Variants in TMEFF2 observed in about 807,000 individuals in gnomAD.
TMEFF2 encodes tomoregulin-2.
A neutral mutation model predicts 53.8 loss-of-function variants in TMEFF2; 28 were observed. The observed-to-expected ratio is 0.52, with a 90% CI of 0.39 to 0.71. TMEFF2 has a LOEUF of 0.71. Ranked by LOEUF, TMEFF2 falls within the 30% of genes least tolerant of loss-of-function variation. The pLI is 0.00. For missense variants in TMEFF2, 353 were observed against 455.2 expected, an observed-to-expected ratio of 0.78 and a Z score of 2.04; for synonymous variants, 162 against 166.3, an observed-to-expected ratio of 0.97 and a Z score of 0.20.
At chr2:192,120,319 T>C (rs1689518999) in intron 4 of TMEFF2, among the ~76,000 whole-genome samples, 1 of 152,180 alleles carries the variant, frequency 6.6e-6, no homozygotes, top group East Asian at 1.9e-4. Flanking sequence ...CAAACTGTCT[T>C]TGGGTCTTAT....
chr2:192,136,333 A>G (rs1256194902), intron 4 of TMEFF2, among the ~76,000 whole-genome samples: 1 of 152,186 alleles, frequency 6.6e-6, no homozygotes. Context: ...ATTTCATCCT[A>G]AGGTTAATTG....
intron 5 of TMEFF2, among the ~76,000 whole-genome samples, chr2:192,038,902 T>C (rs77995922): frequency 0.066 from 10,063 of 152,246 alleles, 470 homozygotes; most frequent in African/African-American, 0.13. Flanking sequence ...CACACTGTTC[T>C]ATATCAACCC....
chr2:192,015,449 G>A (rs1035127520), intron 5 of TMEFF2, among the ~76,000 whole-genome samples: 2 of 148,964 alleles, frequency 1.3e-5, no homozygotes, highest in Non-Finnish European at 3.0e-5. Context: ...TATGATTAAA[G>A]TCTGCAACTG....
intron 2 of TMEFF2, among the ~76,000 whole-genome samples, chr2:192,189,691 C>G (rs2106048387): frequency 6.6e-6 from 1 of 151,574 alleles, no homozygotes; most frequent in African/African-American, 2.4e-5. Context: ...AAATAACAAA[C>G]ACCAAAAACT....
At chr2:192,081,990 C>A (rs975208930) in intron 4 of TMEFF2, among the ~76,000 whole-genome samples, 3 of 151,954 alleles carry the variant, frequency 2.0e-5, no homozygotes, top group Non-Finnish European at 4.4e-5. Flanking sequence ...TTAGTAGAGA[C>A]AGGGTTTCAC....
At chr2:192,100,717 A>G (rs1026103248) in intron 4 of TMEFF2, among the ~76,000 whole-genome samples, 1 of 152,170 alleles carries the variant, frequency 6.6e-6, no homozygotes, top group Non-Finnish European at 1.5e-5. Context: ...TAGATGTAAA[A>G]TAATCTGATT....
chr2:192,028,476 TTTTGTG>T (rs1687029601), intron 5 of TMEFF2: 1 of 24,302 alleles, frequency 4.1e-5, no homozygotes, highest in South Asian at 2.1e-3. Flanking sequence ...TATCATACTG[TTTTGTG>T]TGTGTGTGTG....
At chr2:192,046,761 A>G (rs1249312451) in intron 5 of TMEFF2, among the ~76,000 whole-genome samples, 1 of 152,156 alleles carries the variant, frequency 6.6e-6, no homozygotes, top group African/African-American at 2.4e-5. Flanking sequence ...TCCAAAAATC[A>G]ACATACTTTC....
intron 7 of TMEFF2, among the ~76,000 whole-genome samples, chr2:191,960,524 C>T (rs996230881): frequency 9.9e-5 from 15 of 152,132 alleles, no homozygotes; most frequent in African/African-American, 3.6e-4. Context: ...CAAACTTGTG[C>T]TGTATAGACC....
At chr2:191,973,609 C>T (rs1692717754) in intron 7 of TMEFF2, among the ~76,000 whole-genome samples, 1 of 151,816 alleles carries the variant, frequency 6.6e-6, no homozygotes, top group Non-Finnish European at 1.5e-5. Flanking sequence ...CTCCAGAAGC[C>T]ATGTGTGTCT....
chr2:192,133,815 C>A (rs1485388105), intron 4 of TMEFF2, among the ~76,000 whole-genome samples: 1 of 152,184 alleles, frequency 6.6e-6, no homozygotes, highest in Non-Finnish European at 1.5e-5. Context: ...TTCAGTCAAG[C>A]CCAAATTTCA....
At chr2:192,162,429 C>T (rs1349681173) in intron 4 of TMEFF2, among the ~76,000 whole-genome samples, 1 of 152,124 alleles carries the variant, frequency 6.6e-6, no homozygotes, top group Non-Finnish European at 1.5e-5. Flanking sequence ...AACCAAAAGC[C>T]ACTTAAACTC....
At chr2:192,070,173 C>T (rs1489422726) in intron 4 of TMEFF2, among the ~76,000 whole-genome samples, 1 of 151,224 alleles carries the variant, frequency 6.6e-6, no homozygotes, top group African/African-American at 2.4e-5. Context: ...GACACATAAG[C>T]TAAAATTTTC....
chr2:192,175,473 T>C (rs16834269), intron 4 of TMEFF2, among the ~76,000 whole-genome samples: 11,759 of 151,658 alleles, frequency 0.078, 575 homozygotes, highest in Middle Eastern at 0.11. Flanking sequence ...TCAACTGATT[T>C]TCTACACCAA....
At chr2:191,955,958 A>G (rs1322175027) in intron 8 of TMEFF2, among the ~76,000 whole-genome samples, 1 of 152,186 alleles carries the variant, frequency 6.6e-6, no homozygotes, top group Non-Finnish European at 1.5e-5. Context: ...GAGTGGTAAT[A>G]TGGAGGAACT....
intron 4 of TMEFF2, among the ~76,000 whole-genome samples, chr2:192,154,772 C>A (rs1190497865): frequency 6.6e-6 from 1 of 151,824 alleles, no homozygotes; most frequent in Non-Finnish European, 1.5e-5. Flanking sequence ...TATACATATT[C>A]TTATGAGGCT....
chr2:192,089,597 TTGGGTCTACCTC>T (rs1360593816), intron 4 of TMEFF2, among the ~76,000 whole-genome samples: 1 of 152,060 alleles, frequency 6.6e-6, no homozygotes, highest in Non-Finnish European at 1.5e-5. Flanking sequence ...CATCTGCGAT[TTGGGTCTACCTC>T]TGGGTTCCCA....
intron 4 of TMEFF2, among the ~76,000 whole-genome samples, chr2:192,154,967 A>G (rs1257934168): frequency 2.0e-5 from 3 of 151,932 alleles, no homozygotes; most frequent in African/African-American, 7.2e-5. Flanking sequence ...TAAGATCTTT[A>G]TGCGAAATTT....
chr2:192,178,639 T>G (rs963410255), intron 4 of TMEFF2: 5 of 151,264 alleles, frequency 3.3e-5, no homozygotes, highest in African/African-American at 1.2e-4. Context: ...TTGAACTAGT[T>G]AAGTCTTTCA....
Sources: allele counts gnomAD v4.1 joint callset (sites outside exome capture counted in the v4.1 genomes callset), GRCh38; gene constraint gnomAD v4.1.1; transcripts MANE v1.5; gene names NCBI Gene and HGNC (gene_info 2026-07-23, HGNC 2026-07-21).